The following AFM variants were observed in gnomAD, a reference collection of about 807,000 sequenced individuals.
AFM encodes the protein alpha-Alb.
A neutral mutation model predicts 68.7 loss-of-function variants in AFM; 82 were observed. The observed-to-expected ratio is 1.19, with a 90% CI of 1.00 to 1.43. The LOEUF is 1.43. Ranked by LOEUF, AFM falls within the 40% of genes most tolerant of loss-of-function variation. The pLI is 0.00. For missense variants in AFM, 772 were observed against 701.8 expected, an observed-to-expected ratio of 1.10 and a Z score of -1.13; for synonymous variants, 250 against 234.2, an observed-to-expected ratio of 1.07 and a Z score of -0.61.
In AFM at chr4:73,497,638, A is replaced by G. The variant is rs776126253; in HGVS notation, c.1192-14A>G. On this transcript the variant is annotated splice_polypyrimidine_tract_variant and intron_variant, in intron 9 of 14. Transcript: ENST00000226355. ...AGATAAAATGTTTGTAACCATGATT[A>G]TTCTTATTTTCAGGAAGACAAATTC... 2 of 1,536,936 alleles carry G rather than the reference A, an allele frequency of 1.3e-6. No homozygotes were observed. Among genetic ancestry groups the G allele is most frequent in the South Asian group, 1.1e-5 (1 of 87,960 alleles).
intron 9 of AFM, among the ~76,000 whole-genome samples, chr4:73,496,092 G>A (rs1322541378): frequency 6.6e-6 from 1 of 152,036 alleles, no homozygotes; most frequent in Non-Finnish European, 1.5e-5. Flanking sequence ...CAAAGGGAGC[G>A]GCTTAAACCA....
intron 7 of AFM, among the ~76,000 whole-genome samples, chr4:73,490,552 T>G (rs963501571): frequency 6.6e-6 from 1 of 152,200 alleles, no homozygotes; most frequent in African/African-American, 2.4e-5. Context: ...CCTGAGTAGC[T>G]GGGACTACAG....
At chr4:73,498,312 G>A (rs973299361) in intron 10 of AFM, among the ~76,000 whole-genome samples, 1 of 151,534 alleles carries the variant, frequency 6.6e-6, no homozygotes, top group African/African-American at 2.4e-5. Context: ...TTTTGAGACA[G>A]GGTCTCTCTG....
chr4:73,495,605 G>T (rs1721233611), intron 9 of AFM, among the ~76,000 whole-genome samples, 173 bp downstream of exon 9: 1 of 152,142 alleles, frequency 6.6e-6, no homozygotes, highest in Non-Finnish European at 1.5e-5. Flanking sequence ...TCATCAGTTT[G>T]GCTGATGCAT....
chr4:73,501,717 A>G, intron 12 of AFM, 70 bp from the exon 13 acceptor site: 3 of 1,504,548 alleles, frequency 2.0e-6, no homozygotes, highest in Middle Eastern at 1.8e-4. Flanking sequence ...TTCTGTAACA[A>G]GCATTTTGGA....
In AFM at chr4:73,481,749, T is replaced by C; in HGVS notation, c.-27T>C. The C allele has an allele frequency of 1.4e-6, 2 of 1,384,358 alleles. No homozygotes were observed. The highest frequency in any genetic ancestry group is 2.0e-6 in the Non-Finnish European group (2 of 991,438). The allele number at this position is 1,384,358 out of a possible 1,614,324, so 85.8% of individuals were successfully genotyped here. A position where few individuals can be genotyped will look rare whatever the true frequency, so the allele number is the denominator to read the frequency against. On this transcript the variant is annotated 5_prime_UTR_variant, in exon 1 of 15. Coordinates refer to ENST00000226355, the MANE Select transcript of AFM (RefSeq NM_001133.2). ...TTGATTTTCCTCAACAACATTACTT[T>C]CTTTTGTAAATGTGGTTTCTACAAA... is the stretch of plus-strand genomic sequence containing the variant.
At position 73,481,798 on chromosome 4, in the gene AFM, G is replaced by T; in HGVS notation, c.23G>T (p.Gly8Val). The T allele has an allele frequency of 1.9e-6, 3 of 1,604,628 alleles. No individual in the cohort carries two copies. Among genetic ancestry groups the T allele is most frequent in the Non-Finnish European group, 2.6e-6 (3 of 1,174,846 alleles). The change falls in exon 1 of 15, where the codon GGT becomes GTT. Residue 8 changes from glycine (G) to valine (V), a missense_variant. Coordinates refer to ENST00000226355, the MANE Select transcript of AFM (RefSeq NM_001133.2). ...AAGATGAAACTACTAAAACTTACAG[G>T]TTTTATTTTTTTCTTGTTTTTTTTG... MKLLKLT[G>V]FIFFLFFLTE...
At position 73,501,371 on chromosome 4, in the gene AFM, C is replaced by A. The variant is rs532216407; in HGVS notation, c.1647-416C>A. Among the ~76,000 whole-genome samples the A allele has an allele frequency of 1.6e-4, 24 of 152,096 alleles. No homozygotes were observed. In the South Asian group the frequency reaches 4.8e-3, roughly 30 times the overall value. On this transcript the variant is annotated intron_variant, in intron 12 of 14. Coordinates refer to ENST00000226355, the MANE Select transcript of AFM (RefSeq NM_001133.2). ...AATGTCCATCATCTAAAACATTTAT[C>A]TTTTCTTTGTACTGGGAACATTACA...
rs62619161 is a variant in AFM, at chr4:73,481,761, G to A, written c.-15G>A. The A allele has an allele frequency of 4.4e-4, 642 of 1,451,168 alleles. 4 individuals carry two copies. In the African/African-American group the frequency reaches 8.0e-3, roughly 18 times the overall value. 89.9% of individuals were successfully genotyped at this position (1,451,168 alleles called of 1,614,324 possible). On this transcript the variant is annotated 5_prime_UTR_variant, in exon 1 of 15. It adds an upstream start codon to the 5' untranslated region. Transcript: ENST00000226355. ...AACAACATTACTTTCTTTTGTAAATGTGGTTTCTACAAAGATGAAACTACT... is the reference window on the plus strand; with the variant it reads ...AACAACATTACTTTCTTTTGTAAATATGGTTTCTACAAAGATGAAACTACT...
chr4:73,494,392 G>C (rs1204611179), intron 8 of AFM, among the ~76,000 whole-genome samples: 1 of 151,330 alleles, frequency 6.6e-6, no homozygotes, highest in African/African-American at 2.5e-5. Flanking sequence ...GAATAGATGA[G>C]TTTTCTTTTT....
Position 73,482,046 on chromosome 4 carries a change from A to G in AFM, c.88+183A>G, listed in dbSNP as rs1406598067. ...AATTTTTATTTTGATGGTAATTTTT[A>G]TATTACCAAGTCTATATGAAGAAAG... is the stretch of plus-strand genomic sequence containing the variant. On this transcript the variant is annotated intron_variant, in intron 1 of 14. Transcript: ENST00000226355. 2.6e-5 allele frequency among the ~76,000 whole-genome samples: 4 copies of G among 152,332 alleles called. No homozygotes were observed. The East Asian group carries it at 5.8e-4, about 22-fold the overall frequency.
chr4:73,500,396 T>TG (rs1721396655), intron 12 of AFM, among the ~76,000 whole-genome samples, 169 bp downstream of exon 12: 1 of 151,984 alleles, frequency 6.6e-6, no homozygotes, highest in Non-Finnish European at 1.5e-5. Flanking sequence ...ATTTTTTTTT[T>TG]GCCATTGTTT....
chr4:73,484,528 TC>T (rs1720834992), intron 3 of AFM, 138 bp downstream of exon 3: 1 of 768,434 alleles, frequency 1.3e-6, no homozygotes, highest in Non-Finnish European at 1.9e-6. Flanking sequence ...CTTCTTTCTT[TC>T]TTTCTTTCCT....
rs542548205 is a variant in AFM at position 73,499,349 on chromosome 4, C to T, written c.1422+103C>T. 1.5e-5 allele frequency: 18 copies of T among 1,196,578 alleles called. No homozygotes were observed. The African/African-American group carries it at 2.4e-4, about 16-fold the overall frequency. 74.1% of individuals were successfully genotyped at this position (1,196,578 alleles called of 1,614,324 possible). A position where few individuals can be genotyped will look rare whatever the true frequency, so the allele number is the denominator to read the frequency against. ...GTGATTATCCATATTCCTTTCTTCA[C>T]TGTTTTAATATTGTTAAGCAAAAAT... On this transcript the variant is annotated intron_variant, in intron 11 of 14. Transcript: ENST00000226355.
chr4:73,484,011 T>C (rs771843611), intron 2 of AFM, 22 bp downstream of exon 2: 19 of 1,495,092 alleles, frequency 1.3e-5, no homozygotes, highest in Non-Finnish European at 1.5e-5. Flanking sequence ...TAAATACTTT[T>C]TGATGATGAT....
rs1400015019 is a variant in AFM, at chr4:73,495,379, C to T, written c.1138C>T (p.Leu380Phe). ...AAGAATTGTTCAAATATACAAAGAT[C>T]TCCTGAGAAATTGCTGCAACACAGA... ...LLRIVQIYKD[L>F]LRNCCNTENP... Residue 380 changes from leucine to phenylalanine, a missense_variant, in exon 9 of 15, where the codon CTC becomes TTC. By Grantham distance (22) the Leu-to-Phe change is conservative. Coordinates refer to ENST00000226355, the MANE Select transcript of AFM (RefSeq NM_001133.2). 4 of 1,613,300 alleles carry T rather than the reference C, an allele frequency of 2.5e-6. No individual in the cohort carries two copies. The highest frequency in any genetic ancestry group is 3.4e-6 in the Non-Finnish European group (4 of 1,179,744).
Position 73,501,909 on chromosome 4 carries a change from TTAATGA to T in AFM, c.1770_1775del (p.Phe590_Glu592delinsLeu). 1 of 1,611,294 alleles carries T rather than the reference TTAATGA, an allele frequency of 6.2e-7. No homozygotes were observed. The highest frequency in any genetic ancestry group is 8.5e-7 in the Non-Finnish European group (1 of 1,179,008). ...AAAGCAGAGAGTCCTGAAGTCTGCT[TTAATGA>T]AGAGGTAGTTTTATTTCTTTTCTAC... On this transcript the variant is annotated inframe_deletion, in exon 13 of 15. Coordinates refer to ENST00000226355, the MANE Select transcript of AFM (RefSeq NM_001133.2).
rs1396473444 is a variant in AFM, at chr4:73,484,503, TTTCATTCTTTCTTTC to T, written c.270+117_270+131del. ...CTTTCTTTCTTTCTTTCTTTCTTTC[TTTCATTCTTTCTTTC>T]TTCTTTCTTTCTTTCTTTCCTTCTT... On this transcript the variant is annotated intron_variant, in intron 3 of 14. Coordinates refer to ENST00000226355, the MANE Select transcript of AFM (RefSeq NM_001133.2). 134 of 651,414 alleles carry T rather than the reference TTTCATTCTTTCTTTC, an allele frequency of 2.1e-4. 2 individuals are homozygous for T. In the African/African-American group the frequency reaches 3.1e-3, roughly 15 times the overall value. 40.4% of individuals were successfully genotyped at this position (651,414 alleles called of 1,614,324 possible).
rs181654064 is a variant in AFM at position 73,496,275 on chromosome 4, T to C, written c.1191+843T>C. On this transcript the variant is annotated intron_variant, in intron 9 of 14. Transcript: ENST00000226355. ...AACAGACTTGAAAATAAACTTCTTT[T>C]TAAATGATGGTATCCCATCATAATT... Among the ~76,000 whole-genome samples the C allele has an allele frequency of 3.6e-3, 544 of 152,320 alleles. 3 individuals are homozygous for C. The highest frequency in any genetic ancestry group is 0.012 in the African/African-American group (515 of 41,578).
Sources: gnomAD v4.1 joint callset for allele counts (sites outside exome capture counted in the v4.1 genomes callset) on GRCh38, gnomAD v4.1.1 for gene constraint, MANE v1.5 for transcripts, NCBI Gene and HGNC (gene_info 2026-07-23, HGNC 2026-07-21) for gene names.